PHTF2: variants seen among roughly 807,000 people sequenced by gnomAD.
The protein encoded by PHTF2 is protein PHTF2.
Under a neutral mutation model 101.2 loss-of-function variants are expected in PHTF2, and 60 were observed. The ratio of observed to expected loss-of-function variants is 0.59; its 90% CI spans 0.48 to 0.73. PHTF2 has a LOEUF of 0.73. Among genes scored for constraint, PHTF2 ranks in the 30% least tolerant of loss-of-function variants. The pLI is 0.00. For missense variants in PHTF2, 747 were observed against 908.7 expected (o/e 0.82, Z 2.29); for synonymous variants, 311 against 307.3 (o/e 1.01, Z -0.13).
chr7:77,894,028 C>G, intron 5 of PHTF2, 35 bp downstream of exon 4: 1 of 1,516,558 alleles, frequency 6.6e-7, no homozygotes, highest in Non-Finnish European at 9.2e-7. Flanking sequence ...CCTGAGTGAT[C>G]CTGTGCAAAT....
At chr7:77,843,217 A>G (rs955682073) in intron 2 of PHTF2, among the ~76,000 whole-genome samples, 2 of 152,132 alleles carry the variant, frequency 1.3e-5, no homozygotes, top group Non-Finnish European at 2.9e-5. Context: ...TGGTGCTTAC[A>G]TTATTATGTT....
At chr7:77,935,531 A>G (rs972329109) in intron 12 of PHTF2, among the ~76,000 whole-genome samples, 3 of 151,898 alleles carry the variant, frequency 2.0e-5, no homozygotes, top group Non-Finnish European at 4.4e-5. Flanking sequence ...GGCGTAATTA[A>G]CTCTTTTAAA....
chr7:77,899,697 A>C (rs945828789), intron 5 of PHTF2, among the ~76,000 whole-genome samples: 6 of 152,184 alleles, frequency 3.9e-5, no homozygotes, highest in Non-Finnish European at 8.8e-5. Flanking sequence ...TTTAGATTCA[A>C]ACAGAATACT....
chr7:77,860,750 T>C (rs1327946302), intron 3 of PHTF2, among the ~76,000 whole-genome samples: 1 of 152,142 alleles, frequency 6.6e-6, no homozygotes, highest in African/African-American at 2.4e-5. Flanking sequence ...CTCACTCTGT[T>C]ACCCAGGCTG....
At chr7:77,821,926 C>CAGGACTGT (rs1169722229) in intron 1 of PHTF2, among the ~76,000 whole-genome samples, 16 of 152,194 alleles carry the variant, frequency 1.1e-4, no homozygotes, top group Non-Finnish European at 1.6e-4. Flanking sequence ...TGCCCAGGGA[C>CAGGACTGT]AGGACTGTTT....
At chr7:77,923,375 A>G (rs1803659553) in intron 11 of PHTF2, 4 of 975,202 alleles carry the variant, frequency 4.1e-6, no homozygotes, top group Non-Finnish European at 4.9e-6. Flanking sequence ...ACTGTTTATC[A>G]CTTTTTTATA....
chr7:77,908,852 G>C (rs1241212618), exon 8 of PHTF2: 2 of 1,612,534 alleles, frequency 1.2e-6, no homozygotes, highest in Admixed American at 3.3e-5. Flanking sequence ...TCTGACAGAG[G>C]TGATTGGGCC....
At chr7:77,954,517 GTAT>G (rs1334231982) in intron 19 of PHTF2, among the ~76,000 whole-genome samples, 1 of 150,422 alleles carries the variant, frequency 6.6e-6, no homozygotes, top group African/African-American at 2.4e-5. Flanking sequence ...GCCAAAAGTT[GTAT>G]TATTTATCTG....
chr7:77,847,398 A>G (rs1415068216), intron 2 of PHTF2, among the ~76,000 whole-genome samples: 1 of 152,234 alleles, frequency 6.6e-6, no homozygotes, highest in East Asian at 1.9e-4. Flanking sequence ...TGTGTATAGC[A>G]TCGCGACCTC....
At position 77,935,286 on chromosome 7, in the gene PHTF2, G is replaced by A. The variant is rs953466750; in HGVS notation, c.1339-2424G>A. Among the ~76,000 whole-genome samples, 5 of 132,210 alleles carry A rather than the reference G, an allele frequency of 3.8e-5. No individual in the cohort carries two copies. The East Asian group carries it at 1.3e-3, about 34-fold the overall frequency. The allele number at this position is 132,210 out of a possible 152,430, so 86.7% of individuals were successfully genotyped here. A position where few individuals can be genotyped will look rare whatever the true frequency, so the allele number is the denominator to read the frequency against. On this transcript the variant is annotated intron_variant, in intron 12 of 19. Coordinates refer to ENST00000416283, the Ensembl canonical transcript of PHTF2. Reference sequence around the variant, plus strand: ...CGCCCAGGCTGGAGTGCAGTGGCGCGATCTCGGCTCACTTCAAGCTCTGCC... The same window carrying A: ...CGCCCAGGCTGGAGTGCAGTGGCGCAATCTCGGCTCACTTCAAGCTCTGCC...
chr7:77,916,188 A>C (rs1452486306), intron 9 of PHTF2, among the ~76,000 whole-genome samples: 1 of 152,182 alleles, frequency 6.6e-6, no homozygotes, highest in Non-Finnish European at 1.5e-5. Flanking sequence ...AAGTTGACAA[A>C]ATAGAATTAA....
At chr7:77,905,741 A>AC (rs1801795730) in intron 7 of PHTF2, among the ~76,000 whole-genome samples, 1 of 150,572 alleles carries the variant, frequency 6.6e-6, no homozygotes, top group African/African-American at 2.4e-5. Flanking sequence ...AAAGCAGTCC[A>AC]CCCGCCTCAG....
chr7:77,939,432 C>A (rs557990518), intron 13 of PHTF2, among the ~76,000 whole-genome samples: 2 of 151,672 alleles, frequency 1.3e-5, no homozygotes, highest in African/African-American at 2.4e-5. Flanking sequence ...ATAGTGAAAC[C>A]CTGTCTTTAC....
rs547826495 is a variant in PHTF2, at chr7:77,838,627, A to G, written c.-35-1594A>G. Among the ~76,000 whole-genome samples, 6 of 152,266 alleles carry G rather than the reference A, an allele frequency of 3.9e-5. No individual in the cohort carries two copies. In the East Asian group the frequency reaches 7.7e-4, roughly 20 times the overall value. ...ATTATTTATTGGTTACAAAGATCCT[A>G]TAAGGGGTGGGGAGGTACAGTTATT... On this transcript the variant is annotated intron_variant, in intron 1 of 19. Transcript: ENST00000416283.
chr7:77,845,692 G>C (rs17158716), intron 2 of PHTF2, among the ~76,000 whole-genome samples: 3,152 of 152,150 alleles, frequency 0.021, 88 homozygotes, highest in African/African-American at 0.071. Flanking sequence ...TATGTGTAGG[G>C]CATTTCAGAG....
intron 11 of PHTF2, among the ~76,000 whole-genome samples, chr7:77,927,231 CACAT>C (rs1315379984): frequency 1.4e-5 from 2 of 143,942 alleles, no homozygotes; most frequent in South Asian, 2.2e-4. Flanking sequence ...CACAAACACA[CACAT>C]ACACATAAAG....
At chr7:77,933,847 A>T (rs570744999) in intron 12 of PHTF2, among the ~76,000 whole-genome samples, 1 of 151,766 alleles carries the variant, frequency 6.6e-6, no homozygotes, top group Non-Finnish European at 1.5e-5. Context: ...TAAATGATTT[A>T]AAAAATTGTT....
intron 16 of PHTF2, among the ~76,000 whole-genome samples, chr7:77,943,501 A>G (rs1175684457): frequency 8.3e-6 from 1 of 120,770 alleles, no homozygotes; most frequent in Non-Finnish European, 2.0e-5. Context: ...ATTTTTAGTG[A>G]CCCAGCTTAG....
At chr7:77,950,393 G>T (rs1806436721) in intron 17 of PHTF2, among the ~76,000 whole-genome samples, 1 of 152,046 alleles carries the variant, frequency 6.6e-6, no homozygotes, top group African/African-American at 2.4e-5. Context: ...AGGCACGGTG[G>T]CTCATACCTG....
Sources: gnomAD v4.1 joint callset for allele counts (sites outside exome capture counted in the v4.1 genomes callset) on GRCh38, gnomAD v4.1.1 for gene constraint, MANE v1.5 for transcripts, NCBI Gene and HGNC (gene_info 2026-07-23, HGNC 2026-07-21) for gene names.